SLIT3: variants seen among roughly 807,000 people sequenced by gnomAD.
SLIT3 encodes the protein slit homolog 3 protein.
Under a neutral mutation model 184.0 loss-of-function variants are expected in SLIT3, and 68 were observed. That is an observed-to-expected ratio of 0.37 (90% confidence interval 0.30 to 0.45). The LOEUF is 0.45. Among genes scored for constraint, SLIT3 ranks in the 20% least tolerant of loss-of-function variants. The pLI is 1.00. For synonymous variants in SLIT3, 831 were observed against 828.6 expected (o/e 1.00, Z -0.05); for missense variants, 1,707 against 2,026.0 (o/e 0.84, Z 3.02).
chr5:169,228,567 A>G (rs1764887786), intron 3 of SLIT3, among the ~76,000 whole-genome samples: 1 of 152,214 alleles, frequency 6.6e-6, no homozygotes, highest in African/African-American at 2.4e-5. Context: ...CAGCACTCAC[A>G]TCTTGGAGAC....
chr5:168,774,086 T>C (rs1755655792), intron 13 of SLIT3, 149 bp downstream of exon 13: 1 of 757,716 alleles, frequency 1.3e-6, no homozygotes. Context: ...TGATAAGCTA[T>C]TCCGATTTTT....
chr5:168,900,004 T>C (rs1334190891), intron 4 of SLIT3, among the ~76,000 whole-genome samples: 4 of 152,146 alleles, frequency 2.6e-5, no homozygotes, highest in Admixed American at 6.5e-5. Context: ...TGAATAGACA[T>C]TTTGCAAAAT....
intron 4 of SLIT3, among the ~76,000 whole-genome samples, chr5:169,114,542 T>A (rs1386547479): frequency 6.6e-6 from 1 of 152,214 alleles, no homozygotes; most frequent in African/African-American, 2.4e-5. Context: ...AACTCAAGAT[T>A]GCTGCAGTGG....
intron 8 of SLIT3, among the ~76,000 whole-genome samples, chr5:168,810,594 C>T (rs994146268): frequency 1.1e-4 from 16 of 152,352 alleles, no homozygotes; most frequent in South Asian, 1.0e-3. Context: ...GCTCAATACG[C>T]GTCTCCCCTC....
intron 4 of SLIT3, among the ~76,000 whole-genome samples, chr5:168,992,736 CAG>C (rs1230797143): frequency 2.0e-5 from 3 of 152,236 alleles, no homozygotes; most frequent in Non-Finnish European, 4.4e-5. Context: ...TTCCAAGGGA[CAG>C]AGTCTGAAAG....
At chr5:168,669,724 G>T in intron 35 of SLIT3, 59 bp downstream of exon 35, 1 of 1,383,660 alleles carries the variant, frequency 7.2e-7, no homozygotes, top group Non-Finnish European at 1.0e-6. Flanking sequence ...GAGGTGATCT[G>T]GATGTGAAGT....
intron 4 of SLIT3, among the ~76,000 whole-genome samples, chr5:169,044,425 G>A (rs960848035): frequency 6.6e-6 from 1 of 152,134 alleles, no homozygotes; most frequent in Non-Finnish European, 1.5e-5. Context: ...ATGAAGTATC[G>A]ATACATGCTG....
intron 26 of SLIT3, among the ~76,000 whole-genome samples, chr5:168,705,612 T>C (rs1473229915): frequency 1.3e-5 from 2 of 152,250 alleles, no homozygotes; most frequent in Middle Eastern, 3.4e-3. Context: ...CTCAACACTT[T>C]CCTCAAGATC....
At chr5:169,235,079 T>C (rs1765148251) in intron 3 of SLIT3, among the ~76,000 whole-genome samples, 1 of 152,198 alleles carries the variant, frequency 6.6e-6, no homozygotes, top group South Asian at 2.1e-4. Context: ...TTTAAGAACA[T>C]TTTCTTGAAT....
chr5:169,155,878 G>A (rs1032006945), intron 4 of SLIT3, among the ~76,000 whole-genome samples: 5 of 152,282 alleles, frequency 3.3e-5, no homozygotes, highest in South Asian at 2.1e-4. Context: ...GCTCCACCTC[G>A]CCTACAGTAG....
chr5:168,716,669 C>A (rs34262105), intron 23 of SLIT3, among the ~76,000 whole-genome samples: 8 of 143,344 alleles, frequency 5.6e-5, no homozygotes, highest in Non-Finnish European at 1.2e-4. Context: ...CTTGGCAGAG[C>A]GGTCAGCGCC....
At chr5:168,786,270 A>G (rs530500338) in intron 11 of SLIT3, among the ~76,000 whole-genome samples, 38 of 152,310 alleles carry the variant, frequency 2.5e-4, no homozygotes, top group Non-Finnish European at 3.7e-4. Flanking sequence ...TCTTTGTGGT[A>G]TCTCCCTAAG....
At chr5:169,043,053 GCCT>G (rs1366302495) in intron 4 of SLIT3, among the ~76,000 whole-genome samples, 1 of 152,114 alleles carries the variant, frequency 6.6e-6, no homozygotes, top group African/African-American at 2.4e-5. Context: ...TTTATTGAAT[GCCT>G]CCTATTTATG....
In SLIT3 at chr5:168,962,313, C is replaced by CAT. The variant is rs1385829967; in HGVS notation, c.414-78978_414-78977insAT. On this transcript the variant is annotated intron_variant, in intron 4 of 35. Coordinates refer to ENST00000519560, the MANE Select transcript of SLIT3 (RefSeq NM_003062.4). ...TCAAACCACACCCCCCACCCCACAA[C>CAT]ACACACACACACACACACACACATA... Among the ~76,000 whole-genome samples the CAT allele has an allele frequency of 4.9e-3, 732 of 148,484 alleles. 5 individuals are homozygous for CAT. Among genetic ancestry groups the CAT allele is most frequent in the African/African-American group, 0.017 (694 of 40,720 alleles).
chr5:168,905,376 C>A (rs1376271621), intron 4 of SLIT3, among the ~76,000 whole-genome samples: 3 of 152,156 alleles, frequency 2.0e-5, no homozygotes, highest in African/African-American at 7.2e-5. Context: ...GCTGGTGCAG[C>A]CTTCTTCTTT....
At chr5:169,297,446 G>A (rs1192410430) in intron 1 of SLIT3, among the ~76,000 whole-genome samples, 1 of 152,076 alleles carries the variant, frequency 6.6e-6, no homozygotes, top group African/African-American at 2.4e-5. Context: ...GGTTTCAGAA[G>A]TCAAAAACAT....
chr5:168,726,370 G>GGGAGGGAGAGGGAGGCAGGGAGGC (rs1763110647), intron 20 of SLIT3, among the ~76,000 whole-genome samples: 2 of 81,938 alleles, frequency 2.4e-5, no homozygotes, highest in African/African-American at 7.9e-5. Flanking sequence ...GAGGGAGGCA[G>GGGAGGGAGAGGGAGGCAGGGAGGC]GGAGGGAGAG....
At chr5:169,267,803 T>G (rs1295776691) in intron 1 of SLIT3, among the ~76,000 whole-genome samples, 1 of 152,232 alleles carries the variant, frequency 6.6e-6, no homozygotes, top group Non-Finnish European at 1.5e-5. Context: ...TAAGGAGACC[T>G]TCTTCCTGTC....
At chr5:168,750,037 A>G (rs1449664892) in intron 18 of SLIT3, among the ~76,000 whole-genome samples, 1 of 152,066 alleles carries the variant, frequency 6.6e-6, no homozygotes. Flanking sequence ...AGTCCCCCAT[A>G]TCAAGTGGGA....
Sources: allele counts gnomAD v4.1 joint callset (sites outside exome capture counted in the v4.1 genomes callset), GRCh38; gene constraint gnomAD v4.1.1; transcripts MANE v1.5; gene names NCBI Gene and HGNC (gene_info 2026-07-23, HGNC 2026-07-21).